The following C7orf57 variants were observed in gnomAD, a reference collection of about 807,000 sequenced individuals.
C7orf57 encodes chromosome 7 open reading frame 57.
C7orf57 carries 33 observed loss-of-function variants against 39.0 expected under a neutral mutation model. The observed-to-expected ratio is 0.85, with a 90% CI of 0.64 to 1.13. C7orf57 has a LOEUF of 1.13. C7orf57 is among the 50% of genes most tolerant of loss of function. The pLI, the probability that C7orf57 is intolerant of heterozygous loss-of-function variation, is 0.00. For synonymous variants in C7orf57, 124 were observed against 137.1 expected (o/e 0.90, Z 0.67); for missense variants, 346 against 362.3 (o/e 0.95, Z 0.37).
rs1226263844 is a variant in C7orf57, at chr7:48,051,853, TTCTTTC to T, written c.606-845_606-840del. ...TTTCTTTCTTTCTTTCTTTCTTTCT[TTCTTTC>T]TTTCTTTCTTTCTCTTTCTCTTTCT... is the stretch of plus-strand genomic sequence containing the variant. On this transcript the variant is annotated intron_variant, in intron 6 of 8. Coordinates refer to ENST00000348904, the MANE Select transcript of C7orf57 (RefSeq NM_001100159.3). Among the ~76,000 whole-genome samples the T allele has an allele frequency of 9.6e-5, 8 of 83,496 alleles. 3 individuals are homozygous for T. The highest frequency in any genetic ancestry group is 1.4e-4 in the Non-Finnish European group (6 of 43,764). The allele number at this position is 83,496 out of a possible 152,430, so 54.8% of individuals were successfully genotyped here.
intron 2 of C7orf57, among the ~76,000 whole-genome samples, chr7:48,040,782 T>G (rs993979682): frequency 6.6e-6 from 1 of 152,194 alleles, no homozygotes; most frequent in Admixed American, 6.5e-5. Flanking sequence ...CAGTCCTACC[T>G]CTTCTCACTC....
intron 8 of C7orf57, among the ~76,000 whole-genome samples, chr7:48,056,399 T>G (rs1791116727): frequency 6.6e-6 from 1 of 152,192 alleles, no homozygotes; most frequent in African/African-American, 2.4e-5. Flanking sequence ...TTTTTCCTGC[T>G]CTGTGGCTTG....
At chr7:48,044,094 C>T (rs997602151) in intron 4 of C7orf57, among the ~76,000 whole-genome samples, 13 of 152,128 alleles carry the variant, frequency 8.5e-5, no homozygotes, top group African/African-American at 2.9e-4. Context: ...AGGACGAACC[C>T]GGGCACTTAG....
rs558330221 is a variant in C7orf57, at chr7:48,047,618, G to A, written c.507+1002G>A. Reference sequence around the variant, plus strand: ...CTTTTTCTTTAAGATCTCCATGTCCGGCTGTGATTCAGATTTTGGGTTGTT... The same window carrying A: ...CTTTTTCTTTAAGATCTCCATGTCCAGCTGTGATTCAGATTTTGGGTTGTT... On this transcript the variant is annotated intron_variant, in intron 5 of 8. Coordinates refer to ENST00000348904, the MANE Select transcript of C7orf57 (RefSeq NM_001100159.3). Among the ~76,000 whole-genome samples, 240 of 152,312 alleles carry A rather than the reference G, an allele frequency of 1.6e-3. 2 individuals carry two copies. Among genetic ancestry groups the A allele is most frequent in the Middle Eastern group, 0.01 (3 of 294 alleles).
At chr7:48,056,894 C>T (rs1583825443) in intron 8 of C7orf57, among the ~76,000 whole-genome samples, 1 of 152,036 alleles carries the variant, frequency 6.6e-6, no homozygotes, top group South Asian at 2.1e-4. Context: ...CTGTCCTTTC[C>T]CTCATTGTGT....
chr7:48,055,510 ATATTAT>A (rs1262990564), intron 8 of C7orf57, among the ~76,000 whole-genome samples: 2 of 152,154 alleles, frequency 1.3e-5, no homozygotes, highest in African/African-American at 2.4e-5. Flanking sequence ...AATATACAAT[ATATTAT>A]TATTAACTTT....
intron 8 of C7orf57, among the ~76,000 whole-genome samples, chr7:48,055,732 C>T (rs1791098058): frequency 6.6e-6 from 1 of 152,124 alleles, no homozygotes; most frequent in Admixed American, 6.6e-5. Flanking sequence ...TCTTTCTGTA[C>T]CTGGCTTATT....
At chr7:48,048,792 C>G (rs200774197) in intron 5 of C7orf57, among the ~76,000 whole-genome samples, 1 of 4,142 alleles carries the variant, frequency 2.4e-4, no homozygotes, top group Admixed American at 3.4e-3. Flanking sequence ...CTTTATAGTT[C>G]TTCTGGACAG....
intron 4 of C7orf57, among the ~76,000 whole-genome samples, chr7:48,045,466 T>C (rs1368726583): frequency 6.6e-6 from 1 of 151,974 alleles, no homozygotes; most frequent in Non-Finnish European, 1.5e-5. Context: ...AGCCTGCATT[T>C]CCAGCCTCTG....
At chr7:48,055,373 C>T (rs990735423) in intron 8 of C7orf57, among the ~76,000 whole-genome samples, 11 of 151,900 alleles carry the variant, frequency 7.2e-5, no homozygotes, top group African/African-American at 9.7e-5. Context: ...GGGTGCAATG[C>T]GATGTTTTGA....
rs763637098 is a variant in C7orf57 at position 48,036,387 on chromosome 7, C to T, written c.55+24C>T. The T allele has an allele frequency of 3.2e-6, 5 of 1,553,142 alleles. No homozygotes were observed. In the East Asian group the frequency reaches 9.5e-5, roughly 30 times the overall value. On this transcript the variant is annotated intron_variant, in intron 2 of 8. Coordinates refer to ENST00000348904, the MANE Select transcript of C7orf57 (RefSeq NM_001100159.3). ...CGGTGAGTGCGCCCTGAGCGCGTCC[C>T]GGCCAGAAAGAGCTGGGTGCGTGCA...
intron 8 of C7orf57, among the ~76,000 whole-genome samples, chr7:48,058,741 A>G (rs1057019439): frequency 1.3e-5 from 2 of 152,216 alleles, no homozygotes; most frequent in African/African-American, 2.4e-5. Context: ...CAGCAGGTAC[A>G]GAAGATCACC....
At chr7:48,051,853 TTCTTTCTTTCTTTCTTTCTC>T (rs1790943329) in intron 6 of C7orf57, among the ~76,000 whole-genome samples, 3 of 83,496 alleles carry the variant, frequency 3.6e-5, no homozygotes, top group African/African-American at 2.0e-4. Flanking sequence ...CTTTCTTTCT[TTCTTTCTTTCTTTCTTTCTC>T]TTTCTCTTTC....
At chr7:48,044,120 G>A (rs1790639354) in intron 4 of C7orf57, among the ~76,000 whole-genome samples, 1 of 152,184 alleles carries the variant, frequency 6.6e-6, no homozygotes, top group Non-Finnish European at 1.5e-5. Context: ...CAGGAACAAT[G>A]GCGAGCCTCT....
At chr7:48,058,270 G>A (rs77791210) in intron 8 of C7orf57, among the ~76,000 whole-genome samples, 2,328 of 152,054 alleles carry the variant, frequency 0.015, 66 homozygotes, top group African/African-American at 0.054. Flanking sequence ...AGAAGGGTTA[G>A]TATGATTTCT....
At position 48,036,342 on chromosome 7, in the gene C7orf57, A is replaced by G. The variant is rs1444722592; in HGVS notation, c.34A>G (p.Thr12Ala). Residue 12 changes from threonine to alanine, a missense_variant, in exon 2 of 9, where the codon ACG (threonine) becomes GCG (alanine). Physicochemically the swap from Thr to Ala is moderately conservative, Grantham distance 58 (BLOSUM62 0). Transcript: ENST00000348904. Reference protein sequence around the residue: ...RNTSKELQGATHRYAPCDWYY... With the variant: ...RNTSKELQGAAHRYAPCDWYY... ...CACAAGCAAGGAACTTCAGGGCGCC[A>G]CGCACCGCTACGCTCCCTGCGGTGA... 3 of 1,589,276 alleles carry G rather than the reference A, an allele frequency of 1.9e-6. No individual in the cohort carries two copies. The highest frequency in any genetic ancestry group is 1.8e-5 in the Admixed American group (1 of 56,150).
chr7:48,047,727 A>G (rs1410462587), intron 5 of C7orf57, among the ~76,000 whole-genome samples: 1 of 151,866 alleles, frequency 6.6e-6, no homozygotes, highest in Non-Finnish European at 1.5e-5. Flanking sequence ...ATTAGAGAGA[A>G]GTTCTCGCTC....
chr7:48,048,515 A>G (rs1790781112), intron 5 of C7orf57, among the ~76,000 whole-genome samples: 1 of 152,062 alleles, frequency 6.6e-6, no homozygotes, highest in Non-Finnish European at 1.5e-5. Flanking sequence ...AATTGTTAGC[A>G]ATACCTCCGT....
At chr7:48,041,705 A>G (rs1790557644) in intron 3 of C7orf57, 186 bp downstream of exon 3, 2 of 405,796 alleles carry the variant, frequency 4.9e-6, no homozygotes, top group African/African-American at 4.1e-5. Context: ...AATTTTTATG[A>G]TGCTAGAATA....
Sources: gnomAD v4.1 joint callset for allele counts (sites outside exome capture counted in the v4.1 genomes callset) on GRCh38, gnomAD v4.1.1 for gene constraint, MANE v1.5 for transcripts, NCBI Gene and HGNC (gene_info 2026-07-23, HGNC 2026-07-21) for gene names.